The following FAP variants were observed in gnomAD, a reference collection of about 807,000 sequenced individuals.
FAP encodes the protein prolyl endopeptidase FAP.
In FAP, 110 loss-of-function variants were observed where a neutral mutation model predicts 126.5. That is an observed-to-expected ratio of 0.87 (90% CI 0.74 to 1.02). The LOEUF (loss-of-function observed/expected upper bound fraction) is 1.02. FAP is among the 50% of genes least tolerant of loss of function. The pLI is 0.00. For synonymous variants in FAP, 334 were observed against 297.3 expected, an observed-to-expected ratio of 1.12 and a Z score of -1.27; for missense variants, 919 against 909.2, an observed-to-expected ratio of 1.01 and a Z score of -0.14.
At chr2:162,189,598 A>G in intron 18 of FAP, 58 bp downstream of exon 18, 1 of 948,476 alleles carries the variant, frequency 1.1e-6, no homozygotes, top group Non-Finnish European at 1.6e-6. Context: ...GCTTTTTTAA[A>G]AGCAAGAAAA....
rs143485547 is a variant in FAP at position 162,171,050 on chromosome 2, C to T, written c.2212G>A (p.Gly738Ser). The change falls in exon 26 of 26, where the codon GGC becomes AGC. Residue 738 changes from glycine to serine, a missense_variant. Coordinates refer to ENST00000188790, the MANE Select transcript of FAP (RefSeq NM_004460.5). ...WYSDQNHGLS[G>S]LSTNHLYTHM... ...GTGTATAAGTGGTTCGTGGACAGGC[C>T]GGATAAGCCGTGGTTCTGGTCAGAG... 19 of 1,612,824 alleles carry T rather than the reference C, an allele frequency of 1.2e-5. No homozygotes were observed. The highest frequency in any genetic ancestry group is 4.0e-5 in the African/African-American group (3 of 74,784).
intron 9 of FAP, among the ~76,000 whole-genome samples, chr2:162,217,679 C>T (rs1576180283): frequency 1.3e-5 from 2 of 152,156 alleles, no homozygotes; most frequent in African/African-American, 4.8e-5. Context: ...GAACTTTACC[C>T]TGAATTTGGA....
chr2:162,202,736 C>T (rs920432147), intron 14 of FAP, 136 bp downstream of exon 14: 5 of 542,096 alleles, frequency 9.2e-6, no homozygotes, highest in South Asian at 4.4e-5. Flanking sequence ...AATGTGCAAT[C>T]GTAAATGAAC....
chr2:162,225,954 A>G (rs886612217), intron 3 of FAP, among the ~76,000 whole-genome samples: 15 of 152,168 alleles, frequency 9.9e-5, no homozygotes, highest in Admixed American at 2.6e-4. Flanking sequence ...CTTTGTATTA[A>G]TTTTATTTTC....
At chr2:162,177,775 T>A (rs542457523) in intron 21 of FAP, among the ~76,000 whole-genome samples, 4 of 152,352 alleles carry the variant, frequency 2.6e-5, no homozygotes, top group African/African-American at 7.2e-5. Context: ...TTTTTGTCTG[T>A]CCTGTCAATG....
chr2:162,194,892 G>T, intron 16 of FAP, 144 bp from the exon 17 acceptor site: 2 of 713,638 alleles, frequency 2.8e-6, no homozygotes, highest in Non-Finnish European at 2.5e-6. Context: ...CCATAGAGAA[G>T]AAAACATCAC....
At position 162,181,937 on chromosome 2, in the gene FAP, G is replaced by A. The variant is rs183898047; in HGVS notation, c.1869+1477C>T. ...ACATACTAGTTCCTTCTGCTCAGAT[G>A]TTATATCACGTGGCAGCCCATTTCT... On this transcript the variant is annotated intron_variant, in intron 21 of 25. Transcript: ENST00000188790. Among the ~76,000 whole-genome samples, 245 of 152,286 alleles carry A rather than the reference G, an allele frequency of 1.6e-3. 1 individual carries two copies. The highest frequency in any genetic ancestry group is 5.8e-3 in the African/African-American group (239 of 41,564).
At chr2:162,203,912 A>T (rs1337479022) in intron 12 of FAP, among the ~76,000 whole-genome samples, 1 of 152,220 alleles carries the variant, frequency 6.6e-6, no homozygotes, top group African/African-American at 2.4e-5. Flanking sequence ...AATTTTAGAA[A>T]ATAGTTTCGT....
At chr2:162,209,202 C>T (rs537176721) in intron 12 of FAP, among the ~76,000 whole-genome samples, 1 of 151,964 alleles carries the variant, frequency 6.6e-6, no homozygotes, top group Non-Finnish European at 1.5e-5. Flanking sequence ...TTGCATAATG[C>T]GTCCAAATCT....
At chr2:162,237,229 T>A (rs1467731425) in intron 2 of FAP, among the ~76,000 whole-genome samples, 1 of 152,206 alleles carries the variant, frequency 6.6e-6, no homozygotes, top group Admixed American at 6.5e-5. Context: ...TGCAATTTTT[T>A]AAATTATACT....
At chr2:162,211,920 C>T (rs1207560783) in intron 11 of FAP, among the ~76,000 whole-genome samples, 1 of 152,152 alleles carries the variant, frequency 6.6e-6, no homozygotes, top group Non-Finnish European at 1.5e-5. Context: ...TGCGCACACA[C>T]ACACACACAT....
intron 15 of FAP, among the ~76,000 whole-genome samples, chr2:162,199,266 G>A (rs1488616586): frequency 3.3e-5 from 5 of 152,132 alleles, no homozygotes; most frequent in Admixed American, 3.3e-4. Context: ...AACATAGCAA[G>A]AAAATCTGGC....
chr2:162,223,182 A>G (rs1411609780), intron 6 of FAP, among the ~76,000 whole-genome samples: 1 of 152,148 alleles, frequency 6.6e-6, no homozygotes, highest in Non-Finnish European at 1.5e-5. Context: ...TTAATTTTAA[A>G]ACAGTTAATG....
intron 15 of FAP, among the ~76,000 whole-genome samples, chr2:162,200,140 G>A (rs542340685): frequency 6.6e-6 from 1 of 152,326 alleles, no homozygotes; most frequent in East Asian, 1.9e-4. Context: ...TGGACTGAAT[G>A]TAAACACTAA....
At chr2:162,200,690 A>ACAATCC in intron 14 of FAP, 71 bp from the exon 15 acceptor site, 1 of 686,542 alleles carries the variant, frequency 1.5e-6, no homozygotes, top group Non-Finnish European at 2.5e-6. Flanking sequence ...ATTAATACTA[A>ACAATCC]TATAGTATCA....
chr2:162,212,979 C>T (rs544015378), intron 11 of FAP, among the ~76,000 whole-genome samples: 2 of 152,222 alleles, frequency 1.3e-5, no homozygotes, highest in Admixed American at 6.5e-5. Flanking sequence ...TTTTTCTGCC[C>T]AAAATTAGTA....
At chr2:162,243,071 A>C (rs1690419255) in intron 1 of FAP, 79 bp from the exon 2 acceptor site, 1 of 1,168,488 alleles carries the variant, frequency 8.6e-7, no homozygotes, top group African/African-American at 1.5e-5. Flanking sequence ...TTTACACCTA[A>C]ATCCTTTTTC....
chr2:162,224,355 C>A, intron 5 of FAP, 111 bp downstream of exon 5: 1 of 646,206 alleles, frequency 1.5e-6, no homozygotes, highest in Non-Finnish European at 2.7e-6. Context: ...GTGACGAGGG[C>A]CTGAATATTT....
At chr2:162,181,642 C>T (rs1687699338) in intron 21 of FAP, among the ~76,000 whole-genome samples, 2 of 152,142 alleles carry the variant, frequency 1.3e-5, no homozygotes, top group Non-Finnish European at 2.9e-5. Flanking sequence ...ACTCTTGTCC[C>T]CCTGTACTCC....
Sources: allele counts gnomAD v4.1 joint callset (sites outside exome capture counted in the v4.1 genomes callset), GRCh38; gene constraint gnomAD v4.1.1; transcripts MANE v1.5; gene names NCBI Gene and HGNC (gene_info 2026-07-23, HGNC 2026-07-21).